The following CACNB2 variants were observed in gnomAD, a reference collection of about 807,000 sequenced individuals.
The protein encoded by CACNB2 is calcium voltage-gated channel auxiliary subunit beta 2, also known as voltage-dependent L-type calcium channel subunit beta-2.
In CACNB2, 42 loss-of-function variants were observed where a neutral mutation model predicts 73.3. That is an observed-to-expected ratio of 0.57 (90% CI 0.45 to 0.74). The LOEUF (loss-of-function observed/expected upper bound fraction) is 0.74, where lower values mean the gene tolerates loss of function less well. CACNB2 is among the 30% of genes least tolerant of loss of function. The probability of loss-of-function intolerance (pLI) is 0.00; values close to 1 mark genes in which losing one functional copy is unlikely to be tolerated. For missense variants in CACNB2, 940 were observed against 853.0 expected, an observed-to-expected ratio of 1.10 and a Z score of -1.27; for synonymous variants, 348 against 310.3, an observed-to-expected ratio of 1.12 and a Z score of -1.28.
chr10:18,400,809 G>A (rs1055812673), intron 2 of CACNB2: 4 of 1,438,208 alleles, frequency 2.8e-6, no homozygotes, highest in Non-Finnish European at 3.6e-6. Context: ...TAAAGCACTC[G>A]AGTGTGTGTT....
chr10:18,282,075 C>A (rs990616010), intron 2 of CACNB2, among the ~76,000 whole-genome samples: 22 of 143,232 alleles, frequency 1.5e-4, no homozygotes, highest in African/African-American at 6.6e-4. Flanking sequence ...GAAGATGTAC[C>A]AAAACCTTCC....
At chr10:18,392,038 A>G (rs1394817985) in intron 2 of CACNB2, among the ~76,000 whole-genome samples, 2 of 151,930 alleles carry the variant, frequency 1.3e-5, no homozygotes, top group Non-Finnish European at 2.9e-5. Context: ...TTGAAATAGG[A>G]TGGTTGCAGA....
At chr10:18,336,931 T>C (rs1171987891) in intron 2 of CACNB2, among the ~76,000 whole-genome samples, 2 of 152,124 alleles carry the variant, frequency 1.3e-5, no homozygotes, top group African/African-American at 4.8e-5. Context: ...AAGTACTAAA[T>C]TTTTTAAAAG....
At chr10:18,198,958 G>A (rs958578517) in intron 2 of CACNB2, among the ~76,000 whole-genome samples, 2 of 152,094 alleles carry the variant, frequency 1.3e-5, no homozygotes, top group African/African-American at 4.8e-5. Flanking sequence ...TGCAATGTTG[G>A]ATAATGTCTC....
intron 2 of CACNB2, among the ~76,000 whole-genome samples, chr10:18,258,501 G>T (rs1318367451): frequency 6.6e-6 from 1 of 152,164 alleles, no homozygotes. Context: ...GCCGAGGCGG[G>T]CGGATCACGA....
chr10:18,193,618 G>A (rs988117776), intron 2 of CACNB2, among the ~76,000 whole-genome samples: 1 of 152,158 alleles, frequency 6.6e-6, no homozygotes, highest in South Asian at 2.1e-4. Flanking sequence ...CCCCACTCTA[G>A]TGTGGTGGGT....
At chr10:18,155,427 G>A (rs2031963533) in intron 2 of CACNB2, among the ~76,000 whole-genome samples, 1 of 152,210 alleles carries the variant, frequency 6.6e-6, no homozygotes, top group Admixed American at 6.5e-5. Context: ...GCATTCCACT[G>A]TGTGGAAAGA....
At chr10:18,271,718 C>T (rs2038061216) in intron 2 of CACNB2, among the ~76,000 whole-genome samples, 2 of 152,188 alleles carry the variant, frequency 1.3e-5, no homozygotes, top group African/African-American at 2.4e-5. Context: ...GCTAACCTTT[C>T]TGCTGAATAG....
chr10:18,203,970 T>A (rs550963494), intron 2 of CACNB2, among the ~76,000 whole-genome samples: 2 of 152,308 alleles, frequency 1.3e-5, no homozygotes, highest in South Asian at 2.1e-4. Context: ...AAGGTTGGAT[T>A]TATAAGCTTC....
intron 2 of CACNB2, among the ~76,000 whole-genome samples, chr10:18,275,655 A>G (rs2038253532): frequency 6.6e-6 from 1 of 152,160 alleles, no homozygotes; most frequent in African/African-American, 2.4e-5. Context: ...TTATTTTTCT[A>G]AAAAAAGAAA....
intron 2 of CACNB2, among the ~76,000 whole-genome samples, chr10:18,215,570 C>G (rs1176294404): frequency 6.6e-6 from 1 of 152,082 alleles, no homozygotes; most frequent in South Asian, 2.1e-4. Context: ...GATTAGAAAC[C>G]TCTTAAGAAA....
At chr10:18,168,110 C>T (rs889597422) in intron 2 of CACNB2, among the ~76,000 whole-genome samples, 1 of 152,046 alleles carries the variant, frequency 6.6e-6, no homozygotes, top group Non-Finnish European at 1.5e-5. Flanking sequence ...TTTTTGTTCC[C>T]TTTTTACTTC....
chr10:18,497,676 T>G (rs1409215910), intron 3 of CACNB2, among the ~76,000 whole-genome samples: 1 of 152,172 alleles, frequency 6.6e-6, no homozygotes, highest in Non-Finnish European at 1.5e-5. Flanking sequence ...CCTCTTGCCT[T>G]GGCCTCACAA....
intron 2 of CACNB2, among the ~76,000 whole-genome samples, chr10:18,296,948 G>T (rs998149235): frequency 6.6e-6 from 1 of 152,240 alleles, no homozygotes; most frequent in Non-Finnish European, 1.5e-5. Context: ...TCTGTAAAAT[G>T]AGGATAATAA....
chr10:18,406,041 G>T (rs941155366), intron 3 of CACNB2, among the ~76,000 whole-genome samples: 1 of 152,248 alleles, frequency 6.6e-6, no homozygotes, highest in East Asian at 1.9e-4. Flanking sequence ...TGAGTCCATT[G>T]TTCTTTTATC....
In CACNB2 at chr10:18,524,631, G is replaced by A. The variant is rs1424099670; in HGVS notation, c.945-2957G>A. Reference sequence around the variant, plus strand: ...GATCACACCATTGCATTCTAGCCTGGGTGACAGAGCAAGACTCTATCTTAA... The same window carrying A: ...GATCACACCATTGCATTCTAGCCTGAGTGACAGAGCAAGACTCTATCTTAA... On this transcript the variant is annotated intron_variant, in intron 9 of 13. Transcript: ENST00000324631. Among the ~76,000 whole-genome samples, 3 of 148,616 alleles carry A rather than the reference G, an allele frequency of 2.0e-5. No individual in the cohort carries two copies. The East Asian group carries it at 5.9e-4, about 29-fold the overall frequency.
At chr10:18,298,217 A>C (rs56364834) in intron 2 of CACNB2, among the ~76,000 whole-genome samples, 24,987 of 151,998 alleles carry the variant, frequency 0.16, 2,366 homozygotes, top group Middle Eastern at 0.27. Context: ...AAAAATACCA[A>C]AATTAGCTGG....
intron 2 of CACNB2, among the ~76,000 whole-genome samples, chr10:18,328,905 G>A (rs2040690755): frequency 6.6e-6 from 1 of 152,174 alleles, no homozygotes; most frequent in Admixed American, 6.5e-5. Flanking sequence ...CTGTATTTAT[G>A]TTGGGGGTAT....
intron 1 of CACNB2, chr10:18,141,295 CG>C: frequency 8.0e-7 from 1 of 1,244,574 alleles, no homozygotes; most frequent in Non-Finnish European, 1.1e-6. Flanking sequence ...CGCTCCGAGC[CG>C]GGGTGGGCGT....
Sources: gnomAD v4.1 joint callset for allele counts (sites outside exome capture counted in the v4.1 genomes callset) on GRCh38, gnomAD v4.1.1 for gene constraint, MANE v1.5 for transcripts, NCBI Gene and HGNC (gene_info 2026-07-23, HGNC 2026-07-21) for gene names.